Variants in WDR17 observed in about 807,000 individuals in gnomAD.
The protein encoded by WDR17 is WD repeat domain 17, also known as WD repeat-containing protein 17.
A neutral mutation model predicts 161.7 loss-of-function variants in WDR17; 143 were observed. That is an observed-to-expected ratio of 0.88 (90% CI 0.77 to 1.02). The LOEUF (loss-of-function observed/expected upper bound fraction) is 1.02, where lower values mean the gene tolerates loss of function less well. Ranked by LOEUF, WDR17 falls within the 50% of genes least tolerant of loss-of-function variation. WDR17 has a pLI of 0.00. For missense variants in WDR17, 1,469 were observed against 1,520.9 expected, an observed-to-expected ratio of 0.97 and a Z score of 0.57; for synonymous variants, 517 against 515.6, an observed-to-expected ratio of 1.00 and a Z score of -0.04.
chr4:176,098,974 T>C (rs888308981), intron 1 of WDR17, among the ~76,000 whole-genome samples: 3 of 152,066 alleles, frequency 2.0e-5, no homozygotes, highest in Non-Finnish European at 4.4e-5. Flanking sequence ...TATGTCAACA[T>C]AGAAATGCTT....
chr4:176,097,734 C>CACACAT (rs1252689307), intron 1 of WDR17, among the ~76,000 whole-genome samples: 4 of 119,278 alleles, frequency 3.4e-5, no homozygotes, highest in African/African-American at 1.2e-4. Context: ...CACACACACA[C>CACACAT]ACACACATAC....
intron 1 of WDR17, among the ~76,000 whole-genome samples, chr4:176,092,984 G>T (rs181218220): frequency 6.6e-6 from 1 of 152,316 alleles, no homozygotes; most frequent in East Asian, 1.9e-4. Flanking sequence ...GGAGGTTGCA[G>T]TGAGCCCAGA....
At chr4:176,091,108 G>GT (rs1317440108) in intron 1 of WDR17, among the ~76,000 whole-genome samples, 1 of 152,116 alleles carries the variant, frequency 6.6e-6, no homozygotes, top group East Asian at 1.9e-4. Flanking sequence ...GCCAGTTTTG[G>GT]GGCTAGTTTA....
At chr4:176,088,390 G>T (rs1735691200) in intron 1 of WDR17, among the ~76,000 whole-genome samples, 1 of 152,090 alleles carries the variant, frequency 6.6e-6, no homozygotes, top group Non-Finnish European at 1.5e-5. Flanking sequence ...TTTGAGGCCA[G>T]TCTGGGCAAC....
At chr4:176,142,488 A>G (rs1210517747) in intron 11 of WDR17, among the ~76,000 whole-genome samples, 1 of 152,158 alleles carries the variant, frequency 6.6e-6, no homozygotes, top group Non-Finnish European at 1.5e-5. Flanking sequence ...GCACTGGGTA[A>G]TTTTCCACGA....
chr4:176,081,341 G>A (rs1457272188), intron 1 of WDR17, among the ~76,000 whole-genome samples: 3 of 151,952 alleles, frequency 2.0e-5, no homozygotes, highest in Non-Finnish European at 4.4e-5. Flanking sequence ...TCATTCTCAT[G>A]TTCCACTACT....
At chr4:176,073,072 A>G (rs1199537688) in intron 1 of WDR17, among the ~76,000 whole-genome samples, 2 of 151,972 alleles carry the variant, frequency 1.3e-5, no homozygotes, top group Non-Finnish European at 2.9e-5. Flanking sequence ...ACCTATGAGG[A>G]CTTCCTGTGC....
chr4:176,075,496 C>T (rs1733842527), intron 1 of WDR17, among the ~76,000 whole-genome samples: 1 of 152,060 alleles, frequency 6.6e-6, no homozygotes, highest in Non-Finnish European at 1.5e-5. Context: ...ATTTTCATAA[C>T]CATATTCCAT....
chr4:176,071,030 A>G (rs191580730), intron 1 of WDR17, among the ~76,000 whole-genome samples: 305 of 152,258 alleles, frequency 2.0e-3, no homozygotes, highest in African/African-American at 7.1e-3. Flanking sequence ...TCAAAAACTC[A>G]CATACAAAAC....
chr4:176,163,430 AAAT>A, intron 22 of WDR17, 137 bp downstream of exon 22: 1 of 1,009,578 alleles, frequency 9.9e-7, no homozygotes, highest in Non-Finnish European at 1.4e-6. Context: ...TTGTGGAAGG[AAAT>A]AATGATATAA....
chr4:176,133,752 T>G (rs1379416460), intron 7 of WDR17, among the ~76,000 whole-genome samples: 1 of 151,568 alleles, frequency 6.6e-6, no homozygotes, highest in Admixed American at 6.6e-5. Context: ...AGAAAAATAT[T>G]ATTAATATTT....
intron 18 of WDR17, among the ~76,000 whole-genome samples, chr4:176,158,461 T>C (rs940658901): frequency 6.6e-6 from 1 of 152,158 alleles, no homozygotes; most frequent in Non-Finnish European, 1.5e-5. Flanking sequence ...AACAAACAAC[T>C]AAAACAACAA....
chr4:176,133,465 G>C lies in WDR17; in HGVS notation c.1099-1643G>C, dbSNP rs115150610. Among the ~76,000 whole-genome samples the C allele has an allele frequency of 3.8e-3, 558 of 146,978 alleles. 3 individuals carry two copies. The highest frequency in any genetic ancestry group is 0.013 in the African/African-American group (522 of 40,244). ...TTCAATAAATTTTCTATGACACTTCGTATTAAAGTATGTTTTACTTAAAAT... is the reference window on the plus strand; with the variant it reads ...TTCAATAAATTTTCTATGACACTTCCTATTAAAGTATGTTTTACTTAAAAT... On this transcript the variant is annotated intron_variant, in intron 7 of 28. Transcript: ENST00000508596.
intron 6 of WDR17, among the ~76,000 whole-genome samples, chr4:176,129,754 C>A (rs1743056374): frequency 6.6e-6 from 1 of 152,062 alleles, no homozygotes; most frequent in South Asian, 2.1e-4. Flanking sequence ...TGAACCTATA[C>A]CCCTTGTACA....
intron 1 of WDR17, among the ~76,000 whole-genome samples, chr4:176,069,227 A>T (rs984448289): frequency 1.3e-5 from 2 of 151,958 alleles, no homozygotes; most frequent in Non-Finnish European, 1.5e-5. Context: ...CAGATGTCAC[A>T]TTATCAGCTA....
At chr4:176,158,781 CT>C (rs2126841071) in intron 18 of WDR17, among the ~76,000 whole-genome samples, 1 of 152,330 alleles carries the variant, frequency 6.6e-6, no homozygotes, top group South Asian at 2.1e-4. Flanking sequence ...TGAAAGCCAA[CT>C]CCTGATTTTC....
At chr4:176,164,262 A>T (rs1302733006) in intron 22 of WDR17, among the ~76,000 whole-genome samples, 2 of 152,208 alleles carry the variant, frequency 1.3e-5, no homozygotes, top group African/African-American at 4.8e-5. Context: ...AGCTACATAA[A>T]TCAGCTCTGA....
Position 176,170,188 on chromosome 4 carries a change from T to G in WDR17, c.3102+1405T>G, listed in dbSNP as rs546303667. On this transcript the variant is annotated intron_variant, in intron 23 of 28. Coordinates refer to ENST00000508596, the MANE Select transcript of WDR17 (RefSeq NM_181265.4). ...TGCTCTTAATTCAAATAATTTTATT[T>G]ATATCATTTAGGACAACTTTAATAA... 9.2e-5 allele frequency among the ~76,000 whole-genome samples: 14 copies of G among 152,254 alleles called. No homozygotes were observed. The South Asian group carries it at 2.7e-3, about 29-fold the overall frequency.
At chr4:176,091,923 C>T (rs1736175068) in intron 1 of WDR17, among the ~76,000 whole-genome samples, 2 of 152,188 alleles carry the variant, frequency 1.3e-5, no homozygotes, top group Admixed American at 1.3e-4. Context: ...CCTGAATAGA[C>T]CAATAGCAAG....
Sources: allele counts gnomAD v4.1 joint callset (sites outside exome capture counted in the v4.1 genomes callset), GRCh38; gene constraint gnomAD v4.1.1; transcripts MANE v1.5; gene names NCBI Gene and HGNC (gene_info 2026-07-23, HGNC 2026-07-21).